Variants in COL19A1 observed in about 807,000 individuals in gnomAD.
COL19A1 encodes collagen alpha-1(XIX) chain.
In COL19A1, 159 loss-of-function variants were observed where a neutral mutation model predicts 190.2. The ratio of observed to expected loss-of-function variants is 0.84; its 90% CI spans 0.73 to 0.95. The LOEUF (loss-of-function observed/expected upper bound fraction) is 0.95, where lower values mean the gene tolerates loss of function less well. Ranked by LOEUF, COL19A1 falls within the 40% of genes least tolerant of loss-of-function variation. COL19A1 has a pLI of 0.00. For missense variants in COL19A1, 1,418 were observed against 1,431.9 expected (o/e 0.99, Z 0.16); for synonymous variants, 509 against 458.9 (o/e 1.11, Z -1.39).
chr6:70,192,151 C>T (rs2150298945), intron 48 of COL19A1, among the ~76,000 whole-genome samples: 1 of 152,232 alleles, frequency 6.6e-6, no homozygotes, highest in Non-Finnish European at 1.5e-5. Context: ...ACCTCTGCCT[C>T]CTGGGTTCAA....
chr6:70,206,867 T>A (rs1767896945), intron 49 of COL19A1, 34 bp from the exon 50 acceptor site: 3 of 1,592,262 alleles, frequency 1.9e-6, no homozygotes. Flanking sequence ...AGAACCCTTT[T>A]TGTGTGTCTC....
chr6:69,885,938 T>C (rs978412038), intron 2 of COL19A1, among the ~76,000 whole-genome samples: 4 of 152,148 alleles, frequency 2.6e-5, no homozygotes, highest in African/African-American at 9.7e-5. Flanking sequence ...CATTTTTGGA[T>C]ATCACATGAA....
At chr6:69,920,288 G>A (rs116272879) in intron 4 of COL19A1, among the ~76,000 whole-genome samples, 5 of 152,078 alleles carry the variant, frequency 3.3e-5, no homozygotes, top group African/African-American at 7.2e-5. Context: ...TTTAAGGAGC[G>A]CTATTTCTGA....
intron 1 of COL19A1, 130 bp downstream of exon 1, chr6:69,866,770 C>CA (rs1281590459): frequency 6.6e-6 from 1 of 152,208 alleles, no homozygotes; most frequent in Non-Finnish European, 1.5e-5. Flanking sequence ...CTGTGCTACA[C>CA]ATGGAAATAT....
intron 9 of COL19A1, among the ~76,000 whole-genome samples, chr6:69,953,989 C>G (rs1774270309): frequency 1.3e-5 from 2 of 151,902 alleles, no homozygotes; most frequent in African/African-American, 4.8e-5. Flanking sequence ...CTTAAAGTGG[C>G]TCTATCTAAA....
chr6:69,953,764 A>G (rs758510312), intron 9 of COL19A1, among the ~76,000 whole-genome samples: 54 of 151,896 alleles, frequency 3.6e-4, no homozygotes, highest in Non-Finnish European at 1.3e-4. Flanking sequence ...GATTTCAAGA[A>G]CCTAGTCTGC....
In COL19A1 at chr6:70,207,364, C is replaced by CT. The variant is rs36112821; in HGVS notation, c.*113dup. The CT allele has an allele frequency of 0.22, 38,810 of 177,198 alleles. 3,887 individuals are homozygous for CT. The highest frequency in any genetic ancestry group is 0.28 in the African/African-American group (6,954 of 24,570). The allele number at this position is 177,198 out of a possible 1,614,324, so 11.0% of individuals were successfully genotyped here. A position where few individuals can be genotyped will look rare whatever the true frequency, so the allele number is the denominator to read the frequency against. ...TCAAACCCTCATCATCTGTGGGTTG[C>CT]TTTTTTTTTTTTTTTTTTTTTTTGG... is the stretch of plus-strand genomic sequence containing the variant. On this transcript the variant is annotated 3_prime_UTR_variant, in exon 51 of 51. Coordinates refer to ENST00000620364, the MANE Select transcript of COL19A1 (RefSeq NM_001858.6).
Position 70,142,144 on chromosome 6 carries a change from T to C in COL19A1, c.1572+68T>C, listed in dbSNP as rs188353340. The C allele has an allele frequency of 4.7e-4, 658 of 1,398,308 alleles. 1 individual carries two copies. The highest frequency in any genetic ancestry group is 5.5e-4 in the Non-Finnish European group (554 of 1,006,754). 86.6% of individuals were successfully genotyped at this position (1,398,308 alleles called of 1,614,324 possible). ...AATTGTAGCCATTCTGTGTAAAACA[T>C]GGTGCTTTGGTATGCCACTCATTTT... On this transcript the variant is annotated intron_variant, in intron 22 of 50. Transcript: ENST00000620364.
rs1778580293 is a variant in COL19A1, at chr6:70,023,766, T to TAA, written c.1080+86_1080+87insAA. ...AATGCTATTAAGATTTGCCTATTTT[T>TAA]GGCAGAGCCAGCCAGCCATGATCCA... On this transcript the variant is annotated intron_variant, in intron 12 of 50. Transcript: ENST00000620364. 4 of 1,263,512 alleles carry TAA rather than the reference T, an allele frequency of 3.2e-6. No homozygotes were observed. The Admixed American group carries it at 9.2e-5, about 29-fold the overall frequency. The allele number at this position is 1,263,512 out of a possible 1,614,324, so 78.3% of individuals were successfully genotyped here. A position where few individuals can be genotyped will look rare whatever the true frequency, so the allele number is the denominator to read the frequency against.
chr6:69,964,419 C>T (rs764663857), intron 11 of COL19A1, among the ~76,000 whole-genome samples: 8 of 152,068 alleles, frequency 5.3e-5, no homozygotes, highest in Admixed American at 3.3e-4. Context: ...TATACATATT[C>T]CTGATTTATT....
chr6:69,925,546 T>C (rs1296439994), intron 4 of COL19A1, among the ~76,000 whole-genome samples: 1 of 152,182 alleles, frequency 6.6e-6, no homozygotes, highest in Non-Finnish European at 1.5e-5. Context: ...TTCTTTTGGC[T>C]TAGGATTGAC....
In COL19A1 at chr6:70,152,875, T is replaced by A. The variant is rs373424987; in HGVS notation, c.2079+1437T>A. 1.8e-4 allele frequency among the ~76,000 whole-genome samples: 28 copies of A among 152,200 alleles called. No homozygotes were observed. The East Asian group carries it at 2.9e-3, about 16-fold the overall frequency. Reference sequence around the variant, plus strand: ...AGAAACTTGTATGCTTTAGTAGAAATGAATATACTGGTAGAATATGGGATC... The same window carrying A: ...AGAAACTTGTATGCTTTAGTAGAAAAGAATATACTGGTAGAATATGGGATC... On this transcript the variant is annotated intron_variant, in intron 31 of 50. Transcript: ENST00000620364.
intron 17 of COL19A1, among the ~76,000 whole-genome samples, chr6:70,129,290 G>T (rs1202766782): frequency 6.6e-6 from 1 of 152,174 alleles, no homozygotes; most frequent in Non-Finnish European, 1.5e-5. Flanking sequence ...TTTAAAGAAG[G>T]TAGAATAGGT....
At chr6:69,994,786 A>G (rs1776807295) in intron 11 of COL19A1, among the ~76,000 whole-genome samples, 1 of 152,128 alleles carries the variant, frequency 6.6e-6, no homozygotes, top group African/African-American at 2.4e-5. Context: ...TATTTTATTC[A>G]GGAGACATTT....
At chr6:69,953,297 G>T (rs956500582) in intron 9 of COL19A1, among the ~76,000 whole-genome samples, 7 of 151,718 alleles carry the variant, frequency 4.6e-5, no homozygotes, top group Non-Finnish European at 5.9e-5. Context: ...ATGAGTGAAG[G>T]TATAGTCAAA....
At chr6:70,130,060 G>A (rs745520812) in intron 17 of COL19A1, 122 bp from the exon 18 acceptor site, 16 of 864,030 alleles carry the variant, frequency 1.9e-5, no homozygotes, top group Non-Finnish European at 2.4e-5. Flanking sequence ...CTGCACAAAT[G>A]ACCTAGTATC....
intron 16 of COL19A1, among the ~76,000 whole-genome samples, chr6:70,120,630 A>T (rs943558288): frequency 3.3e-5 from 5 of 152,222 alleles, no homozygotes; most frequent in African/African-American, 1.2e-4. Context: ...TTATTGTTTC[A>T]GCATGGTAAC....
chr6:69,941,833 C>T (rs906011340), intron 9 of COL19A1, among the ~76,000 whole-genome samples: 1 of 151,990 alleles, frequency 6.6e-6, no homozygotes, highest in Non-Finnish European at 1.5e-5. Flanking sequence ...AGATTACAGG[C>T]ACCCGCCATC....
At chr6:70,168,542 C>A in intron 39 of COL19A1, 113 bp from the exon 40 acceptor site, 2 of 904,956 alleles carry the variant, frequency 2.2e-6, no homozygotes, top group South Asian at 1.8e-5. Context: ...GTAATTAAAG[C>A]AAAACTTGCT....
Sources: gnomAD v4.1 joint callset for allele counts (sites outside exome capture counted in the v4.1 genomes callset) on GRCh38, gnomAD v4.1.1 for gene constraint, MANE v1.5 for transcripts, NCBI Gene and HGNC (gene_info 2026-07-23, HGNC 2026-07-21) for gene names.